CTDP1: variants seen among roughly 807,000 people sequenced by gnomAD.
CTDP1 encodes RNA polymerase II subunit A C-terminal domain phosphatase.
Under a neutral mutation model 91.8 loss-of-function variants are expected in CTDP1, and 47 were observed. The observed-to-expected ratio is 0.51, with a 90% CI of 0.41 to 0.65. The LOEUF is 0.65. Ranked by LOEUF, CTDP1 falls within the 30% of genes least tolerant of loss-of-function variation. The pLI is 0.00. For synonymous variants in CTDP1, 656 were observed against 598.5 expected (o/e 1.10, Z -1.40); for missense variants, 1,272 against 1,373.7 (o/e 0.93, Z 1.17).
chr18:79,708,000 G>T (rs2122580636), intron 5 of CTDP1, among the ~76,000 whole-genome samples: 1 of 152,294 alleles, frequency 6.6e-6, no homozygotes, highest in Non-Finnish European at 1.5e-5. Context: ...CGACTTCATG[G>T]CCTCAGTGAT....
chr18:79,741,929 T>C (rs1007303373), intron 12 of CTDP1, among the ~76,000 whole-genome samples: 1 of 152,162 alleles, frequency 6.6e-6, no homozygotes, highest in African/African-American at 2.4e-5. Flanking sequence ...ACTCCCCAAA[T>C]GTAATGGAAA....
At chr18:79,740,627 C>T (rs1375793366) in intron 12 of CTDP1, among the ~76,000 whole-genome samples, 5 of 152,212 alleles carry the variant, frequency 3.3e-5, no homozygotes, top group East Asian at 1.9e-4. Context: ...CCTGTCAGTG[C>T]TCTAGCTGGT....
At chr18:79,729,096 C>A in intron 11 of CTDP1, 27 bp downstream of exon 11, 1 of 1,611,734 alleles carries the variant, frequency 6.2e-7, no homozygotes, top group Non-Finnish European at 8.5e-7. Context: ...CCCCGGTGCC[C>A]GCGCCAGCGC....
chr18:79,712,377 G>A (rs947834875), intron 6 of CTDP1, among the ~76,000 whole-genome samples: 10 of 152,162 alleles, frequency 6.6e-5, no homozygotes, highest in Non-Finnish European at 1.5e-4. Flanking sequence ...GACTTCCTGG[G>A]CTCAAGCTAT....
At chr18:79,712,612 G>A (rs1263474541) in intron 6 of CTDP1, among the ~76,000 whole-genome samples, 1 of 152,162 alleles carries the variant, frequency 6.6e-6, no homozygotes, top group Non-Finnish European at 1.5e-5. Context: ...AGCAAATTCT[G>A]GCCTTTAGGC....
At chr18:79,678,342 A>G (rs1480021658), upstream of CTDP1, 2 of 152,228 alleles carry the variant, frequency 1.3e-5, no homozygotes, top group Non-Finnish European at 2.9e-5. Context: ...GCCACAATGG[A>G]CACTATACCC....
intron 5 of CTDP1, among the ~76,000 whole-genome samples, chr18:79,710,035 T>C (rs576806291): frequency 1.3e-5 from 2 of 152,370 alleles, no homozygotes; most frequent in Admixed American, 6.5e-5. Context: ...GTTTTACTTA[T>C]GCAAGTGCCT....
At chr18:79,684,692 C>T (rs1005007537) in intron 1 of CTDP1, among the ~76,000 whole-genome samples, 1 of 152,254 alleles carries the variant, frequency 6.6e-6, no homozygotes, top group Non-Finnish European at 1.5e-5. Flanking sequence ...CTAACCACAT[C>T]AGTGGTTATT....
intron 1 of CTDP1, 148 bp from the exon 2 acceptor site, chr18:79,695,077 C>T (rs2122486283): frequency 2.7e-6 from 2 of 747,720 alleles, no homozygotes; most frequent in Non-Finnish European, 4.8e-6. Context: ...AAGAAATGCC[C>T]TCAAGGGGTG....
chr18:79,747,912 T>C (rs2086913420), intron 12 of CTDP1, among the ~76,000 whole-genome samples: 1 of 152,216 alleles, frequency 6.6e-6, no homozygotes, highest in African/African-American at 2.4e-5. Flanking sequence ...ATCTTTCCGG[T>C]GCCAAATCGT....
intron 4 of CTDP1, among the ~76,000 whole-genome samples, chr18:79,700,581 G>C (rs989669634): frequency 1.3e-5 from 2 of 152,230 alleles, no homozygotes; most frequent in African/African-American, 4.8e-5. Context: ...ACCAGCACAG[G>C]TTGGTTCATG....
chr18:79,696,417 C>T (rs1490868622), intron 3 of CTDP1, among the ~76,000 whole-genome samples: 1 of 152,114 alleles, frequency 6.6e-6, no homozygotes, highest in Non-Finnish European at 1.5e-5. Context: ...GACAGCTGCT[C>T]ATGGAGCTCA....
chr18:79,712,933 CATT>C (rs958847116), intron 6 of CTDP1, 36 bp from the exon 7 acceptor site: 85 of 1,604,030 alleles, frequency 5.3e-5, no homozygotes, highest in Middle Eastern at 1.7e-4. Flanking sequence ...TACAACTTTT[CATT>C]ATTATTTTTT....
Position 79,714,943 on chromosome 18 carries a change from G to A in CTDP1, c.1483G>A (p.Gly495Arg), listed in dbSNP as rs1406265714. 5.8e-6 allele frequency: 9 copies of A among 1,563,490 alleles called. No individual in the cohort carries two copies. Among genetic ancestry groups the A allele is most frequent in the Middle Eastern group, 1.7e-4 (1 of 5,960 alleles). ...QKPKAAPEGAGALAQGSSLEP... is the reference protein window; with the variant it reads ...QKPKAAPEGARALAQGSSLEP... ...GCCGAAGGCTGCCCCAGAGGGAGCCGGGGCGCTGGCACAGGGCAGTTCCCT... is the reference window on the plus strand; with the variant it reads ...GCCGAAGGCTGCCCCAGAGGGAGCCAGGGCGCTGGCACAGGGCAGTTCCCT... Residue 495 changes from glycine to arginine, a missense_variant, in exon 8 of 13, where the codon GGG (glycine) becomes AGG (arginine). This residue lies in a region of CTDP1 where 881 missense variants were observed against 911.6 expected (regional missense o/e 0.97). Coordinates refer to ENST00000613122, the MANE Select transcript of CTDP1 (RefSeq NM_004715.5).
intron 4 of CTDP1, among the ~76,000 whole-genome samples, chr18:79,701,181 G>A (rs891892194): frequency 6.6e-6 from 1 of 152,146 alleles, no homozygotes; most frequent in Non-Finnish European, 1.5e-5. Flanking sequence ...CAGGGCTCAA[G>A]AAATGATTTC....
rs957732713 is a variant in CTDP1 at position 79,710,445 on chromosome 18, C to T, written c.863+9C>T. ...AAAACGGGAAACCTTAGGTATGTAC[C>T]CAGCCGCGCTCCTCACAAAGACCTC... On this transcript the variant is annotated intron_variant, in intron 6 of 12. Coordinates refer to ENST00000613122, the MANE Select transcript of CTDP1 (RefSeq NM_004715.5). 6.3e-7 allele frequency: 1 copy of T among 1,592,036 alleles called. No homozygotes were observed.
In CTDP1 at chr18:79,715,248, C is replaced by G. The variant is rs2086180428; in HGVS notation, c.1788C>G (p.Ile596Met). 6.2e-7 allele frequency: 1 copy of G among 1,610,550 alleles called. No individual in the cohort carries two copies. Residue 596 changes from isoleucine (I) to methionine (M), a missense_variant, in exon 8 of 13, where the codon ATC becomes ATG. By Grantham distance (10) the Ile-to-Met change is conservative. Transcript: ENST00000613122. ...ACCACCTCATCTACCTGGAGGAGATCCTGGTCCGTGTACACACTGACTACT... is the reference window on the plus strand; with the variant it reads ...ACCACCTCATCTACCTGGAGGAGATGCTGGTCCGTGTACACACTGACTACT... ...EDDHLIYLEEILVRVHTDYYA... is the reference protein window; with the variant it reads ...EDDHLIYLEEMLVRVHTDYYA...
chr18:79,721,582 C>G (rs1483183292), intron 10 of CTDP1, among the ~76,000 whole-genome samples: 1 of 152,184 alleles, frequency 6.6e-6, no homozygotes, highest in East Asian at 1.9e-4. Context: ...TCTTTAGACG[C>G]TGCTTTTCAT....
chr18:79,734,693 C>T (rs1000708217), intron 11 of CTDP1, among the ~76,000 whole-genome samples: 2 of 152,244 alleles, frequency 1.3e-5, no homozygotes, highest in Admixed American at 1.3e-4. Context: ...GTTTTTCTCT[C>T]TTGACAAGGT....
Sources: allele counts gnomAD v4.1 joint callset (sites outside exome capture counted in the v4.1 genomes callset), GRCh38; gene constraint gnomAD v4.1.1; regional missense constraint gnomAD v4.1.1; transcripts MANE v1.5; gene names NCBI Gene and HGNC (gene_info 2026-07-23, HGNC 2026-07-21).